KCNC2: variants seen among roughly 807,000 people sequenced by gnomAD.
KCNC2 encodes the protein voltage-gated potassium channel KCNC2.
KCNC2 carries 21 observed loss-of-function variants against 44.5 expected under a neutral mutation model. The observed-to-expected ratio is 0.47, with a 90% CI of 0.33 to 0.68. The LOEUF (loss-of-function observed/expected upper bound fraction) is 0.68, where lower values mean the gene tolerates loss of function less well. KCNC2 is among the 30% of genes least tolerant of loss of function. The pLI is 0.01. For synonymous variants in KCNC2, 391 were observed against 339.1 expected, an observed-to-expected ratio of 1.15 and a Z score of -1.68; for missense variants, 589 against 826.2, an observed-to-expected ratio of 0.71 and a Z score of 3.52.
intron 2 of KCNC2, among the ~76,000 whole-genome samples, chr12:75,156,722 C>T (rs1890784904): frequency 6.6e-6 from 1 of 151,848 alleles, no homozygotes; most frequent in South Asian, 2.1e-4. Flanking sequence ...AATATAGCTA[C>T]AGATATTCTA....
intron 2 of KCNC2, among the ~76,000 whole-genome samples, chr12:75,173,915 T>C (rs553523084): frequency 1.3e-5 from 2 of 152,032 alleles, no homozygotes; most frequent in East Asian, 3.9e-4. Flanking sequence ...AAACTTCATT[T>C]GTACTTTCTT....
In KCNC2 at chr12:75,155,263, G is replaced by A. The variant is rs116793664; in HGVS notation, c.687+52034C>T. 9.5e-3 allele frequency among the ~76,000 whole-genome samples: 1,446 copies of A among 151,968 alleles called. 22 individuals carry two copies. Among genetic ancestry groups the A allele is most frequent in the African/African-American group, 0.032 (1,339 of 41,494 alleles). On this transcript the variant is annotated intron_variant, in intron 2 of 4. Transcript: ENST00000549446. The stretch of plus-strand genomic sequence containing the variant: ...AACTGAGTAAATTGTATTCCATGAT[G>A]CCTGTGATGAATTCAAGTTTTCTCA...
rs200950469 is a variant in KCNC2, at chr12:75,051,191, G to T, written c.814C>A (p.Leu272Ile). The change falls in exon 3 of 5, where the codon CTA becomes ATA. Residue 272 changes from leucine (L) to isoleucine (I), a missense_variant. Physicochemically the swap from Leu to Ile is conservative, Grantham distance 5 (BLOSUM62 2). Coordinates refer to ENST00000549446, the MANE Select transcript of KCNC2 (RefSeq NM_139137.4). ...GGATCCGTTTCAATTTCATACTGTA[G>T]AACAACACTTGTGCCATTGATGACT... Reference protein sequence around the residue: ...EPVINGTSVVLQYEIETDPAL... With the variant: ...EPVINGTSVVIQYEIETDPAL... 1 of 1,613,396 alleles carries T rather than the reference G, an allele frequency of 6.2e-7. No individual in the cohort carries two copies. The highest frequency in any genetic ancestry group is 8.5e-7 in the Non-Finnish European group (1 of 1,179,478).
intron 2 of KCNC2, among the ~76,000 whole-genome samples, chr12:75,189,211 G>A (rs2029957652): frequency 1.3e-5 from 2 of 152,176 alleles, no homozygotes; most frequent in Non-Finnish European, 2.9e-5. Context: ...TTGTAAGAGG[G>A]ATGAACCCTA....
intron 4 of KCNC2, 74 bp from the exon 5 acceptor site, chr12:75,043,315 CA>C: frequency 1.3e-6 from 2 of 1,544,288 alleles, no homozygotes; most frequent in East Asian, 4.6e-5. Flanking sequence ...CCATGCAGGG[CA>C]ATCAAAAGTG....
chr12:75,199,761 A>G (rs935557180), intron 2 of KCNC2, among the ~76,000 whole-genome samples: 2 of 151,912 alleles, frequency 1.3e-5, no homozygotes, highest in African/African-American at 2.4e-5. Context: ...TATTGCCAAT[A>G]GGTTGAACCA....
intron 2 of KCNC2, among the ~76,000 whole-genome samples, chr12:75,136,889 T>C (rs1233628972): frequency 6.6e-6 from 1 of 152,062 alleles, no homozygotes; most frequent in Non-Finnish European, 1.5e-5. Context: ...TCCCGTTCTT[T>C]AAAATGAAGC....
chr12:75,088,094 C>A (rs1300983206), intron 2 of KCNC2, among the ~76,000 whole-genome samples: 1 of 151,922 alleles, frequency 6.6e-6, no homozygotes, highest in African/African-American at 2.4e-5. Context: ...TAACATTCAG[C>A]AACATATTTA....
chr12:75,067,526 A>G (rs1882956653), intron 2 of KCNC2, among the ~76,000 whole-genome samples: 1 of 152,190 alleles, frequency 6.6e-6, no homozygotes, highest in Non-Finnish European at 1.5e-5. Context: ...CTGGGGGAAT[A>G]TGGAAAGGCT....
intron 2 of KCNC2, among the ~76,000 whole-genome samples, chr12:75,053,486 A>T (rs4882611): frequency 0.85 from 129,430 of 152,028 alleles, 55,441 homozygotes; most frequent in Admixed American, 0.9. Context: ...ATATAAACAG[A>T]TCTAAGACAC....
chr12:75,125,740 G>C (rs878979215), intron 2 of KCNC2, among the ~76,000 whole-genome samples: 1 of 152,066 alleles, frequency 6.6e-6, no homozygotes, highest in Admixed American at 6.5e-5. Flanking sequence ...GCCAATTTAC[G>C]TGCCAAACTC....
chr12:75,187,194 T>A (rs1032594284), intron 2 of KCNC2, among the ~76,000 whole-genome samples: 1 of 152,216 alleles, frequency 6.6e-6, no homozygotes, highest in Non-Finnish European at 1.5e-5. Context: ...ATACACAATG[T>A]GCATTGTAAA....
At chr12:75,208,073 C>T in intron 1 of KCNC2, 71 bp from the exon 2 acceptor site, 3 of 1,561,350 alleles carry the variant, frequency 1.9e-6, no homozygotes, top group Non-Finnish European at 2.6e-6. Flanking sequence ...CCCCCACCAC[C>T]AACCCAGAGC....
At chr12:75,187,663 A>C (rs1299908034) in intron 2 of KCNC2, among the ~76,000 whole-genome samples, 1 of 152,338 alleles carries the variant, frequency 6.6e-6, no homozygotes, top group Non-Finnish European at 1.5e-5. Flanking sequence ...GGAATACATT[A>C]TGGAGCAGAC....
chr12:75,093,633 T>C (rs761385035), intron 2 of KCNC2, among the ~76,000 whole-genome samples: 74 of 151,650 alleles, frequency 4.9e-4, no homozygotes, highest in Admixed American at 1.1e-3. Context: ...CAAAGATGCT[T>C]AATTTACAGT....
At chr12:75,177,775 CT>C (rs1446693894) in intron 2 of KCNC2, among the ~76,000 whole-genome samples, 2 of 151,880 alleles carry the variant, frequency 1.3e-5, no homozygotes, top group Non-Finnish European at 2.9e-5. Flanking sequence ...AACAATTTAC[CT>C]ACAAGAGAAA....
chr12:75,059,375 C>T (rs1882078702), intron 2 of KCNC2, among the ~76,000 whole-genome samples: 2 of 152,016 alleles, frequency 1.3e-5, no homozygotes, highest in Non-Finnish European at 2.9e-5. Context: ...CTTTTTCACT[C>T]TCATTGTCTC....
chr12:75,194,823 A>G (rs1468798455), intron 2 of KCNC2, among the ~76,000 whole-genome samples: 1 of 152,186 alleles, frequency 6.6e-6, no homozygotes, highest in African/African-American at 2.4e-5. Flanking sequence ...TAGTCAAGGA[A>G]AACAGATAAA....
At chr12:75,154,946 ATT>A in intron 2 of KCNC2, among the ~76,000 whole-genome samples, 1 of 152,002 alleles carries the variant, frequency 6.6e-6, no homozygotes, top group South Asian at 2.1e-4. Flanking sequence ...TTCTGTCTTT[ATT>A]GAGCCTATAG....
Sources: gnomAD v4.1 joint callset for allele counts (sites outside exome capture counted in the v4.1 genomes callset) on GRCh38, gnomAD v4.1.1 for gene constraint, MANE v1.5 for transcripts, NCBI Gene and HGNC (gene_info 2026-07-23, HGNC 2026-07-21) for gene names.